The following KIAA1958 variants were observed in gnomAD, a reference collection of about 807,000 sequenced individuals.
KIAA1958 encodes the protein uncharacterized protein KIAA1958.
A neutral mutation model predicts 47.2 loss-of-function variants in KIAA1958; 14 were observed. The observed-to-expected ratio is 0.30, with a 90% CI of 0.20 to 0.46. KIAA1958 has a LOEUF of 0.46. Among genes scored for constraint, KIAA1958 ranks in the 20% least tolerant of loss-of-function variants. KIAA1958 has a pLI of 1.00. For missense variants in KIAA1958, 803 were observed against 909.2 expected (o/e 0.88, Z 1.50); for synonymous variants, 354 against 353.3 (o/e 1.00, Z -0.02).
At chr9:112,521,189 A>G (rs1322414815) in intron 1 of KIAA1958, among the ~76,000 whole-genome samples, 4 of 151,996 alleles carry the variant, frequency 2.6e-5, no homozygotes, top group Non-Finnish European at 5.9e-5. Flanking sequence ...TTGTATTTCT[A>G]AATAGCCTAT....
intron 2 of KIAA1958, among the ~76,000 whole-genome samples, chr9:112,636,702 T>C: frequency 6.6e-6 from 1 of 152,184 alleles, no homozygotes; most frequent in East Asian, 1.9e-4. Context: ...ATTTGCTTAT[T>C]GTTCCTATGG....
At chr9:112,585,551 A>G (rs1344772885) in intron 2 of KIAA1958, among the ~76,000 whole-genome samples, 1 of 152,218 alleles carries the variant, frequency 6.6e-6, no homozygotes, top group East Asian at 1.9e-4. Flanking sequence ...ACAGTTCATT[A>G]TCTTAGAAGA....
chr9:112,526,680 G>C (rs1242791001), intron 1 of KIAA1958, among the ~76,000 whole-genome samples: 1 of 152,208 alleles, frequency 6.6e-6, no homozygotes, highest in Non-Finnish European at 1.5e-5. Context: ...AAGATGGTAA[G>C]AGAGAGCAAG....
intron 2 of KIAA1958, among the ~76,000 whole-genome samples, chr9:112,607,484 G>A (rs895495353): frequency 6.6e-6 from 1 of 152,110 alleles, no homozygotes; most frequent in South Asian, 2.1e-4. Context: ...TAGGTTGGTG[G>A]TGAGAGCTTC....
intron 1 of KIAA1958, among the ~76,000 whole-genome samples, chr9:112,554,035 C>G (rs1289340060): frequency 2.6e-5 from 4 of 152,110 alleles, no homozygotes; most frequent in African/African-American, 9.7e-5. Context: ...GTATCATGTA[C>G]TGTAAGTAGG....
Position 112,664,831 on chromosome 9 carries a change from AGTTCCTCC to A in KIAA1958, c.*4765_*4772del, listed in dbSNP as rs1837330975. The A allele has an allele frequency of 6.6e-6, 1 of 152,208 alleles. No homozygotes were observed. The highest frequency in any genetic ancestry group is 2.4e-5 in the African/African-American group (1 of 41,444). The allele number at this position is 152,208 out of a possible 1,614,324, so 9.4% of individuals were successfully genotyped here. On this transcript the variant is annotated 3_prime_UTR_variant, in exon 4 of 4. Transcript: ENST00000337530. ...TGATAACTAAATGAACATCTCTGGA[AGTTCCTCC>A]GTCTGATATGTGTATTCTGACATAA...
chr9:112,623,469 T>C (rs1477283211), intron 2 of KIAA1958, among the ~76,000 whole-genome samples: 1 of 152,328 alleles, frequency 6.6e-6, no homozygotes, highest in East Asian at 1.9e-4. Context: ...AGAAGTGATT[T>C]GCTGTGCTTC....
At chr9:112,520,864 C>T (rs534921940) in intron 1 of KIAA1958, among the ~76,000 whole-genome samples, 19 of 152,236 alleles carry the variant, frequency 1.2e-4, no homozygotes, top group Non-Finnish European at 2.4e-4. Context: ...ACATATGAAA[C>T]ATATCCCCAG....
intron 2 of KIAA1958, among the ~76,000 whole-genome samples, chr9:112,595,723 T>A (rs908415704): frequency 6.6e-6 from 1 of 151,418 alleles, no homozygotes; most frequent in South Asian, 2.1e-4. Context: ...TTTAATATAT[T>A]GATTGGCAGT....
intron 1 of KIAA1958, among the ~76,000 whole-genome samples, chr9:112,487,706 G>A (rs1038609334): frequency 7.9e-5 from 12 of 151,952 alleles, no homozygotes; most frequent in African/African-American, 2.9e-4. Context: ...TCTCCAAAAG[G>A]CTCTTCCGCC....
At chr9:112,494,956 T>G (rs1834027986) in intron 1 of KIAA1958, among the ~76,000 whole-genome samples, 1 of 152,140 alleles carries the variant, frequency 6.6e-6, no homozygotes, top group African/African-American at 2.4e-5. Flanking sequence ...TTAAAAATTT[T>G]TTCCCCTTTT....
At position 112,581,079 on chromosome 9, in the gene KIAA1958, C is replaced by T. The variant is rs577894447; in HGVS notation, c.1171+5828C>T. On this transcript the variant is annotated intron_variant, in intron 2 of 3. Transcript: ENST00000337530. ...TTATTTTTATTTTTTTCTCAGATCT[C>T]TTAGAGATGAATAGAATCAGATGTA... 3.2e-4 allele frequency among the ~76,000 whole-genome samples: 49 copies of T among 152,172 alleles called. No homozygotes were observed. In the South Asian group the frequency reaches 4.8e-3, roughly 15 times the overall value.
chr9:112,584,464 C>T (rs1835788828), intron 2 of KIAA1958, among the ~76,000 whole-genome samples: 1 of 152,146 alleles, frequency 6.6e-6, no homozygotes, highest in Non-Finnish European at 1.5e-5. Flanking sequence ...AACATTATTG[C>T]TGTTACCGAA....
chr9:112,495,951 CGTG>C (rs542465715), intron 1 of KIAA1958, among the ~76,000 whole-genome samples: 80 of 152,246 alleles, frequency 5.3e-4, no homozygotes, highest in African/African-American at 1.8e-3. Context: ...GGAAGAGAAT[CGTG>C]GTGCCCAGCC....
At chr9:112,549,432 A>T in intron 1 of KIAA1958, among the ~76,000 whole-genome samples, 1 of 152,226 alleles carries the variant, frequency 6.6e-6, no homozygotes, top group East Asian at 1.9e-4. Flanking sequence ...TGTTTTCTGT[A>T]TATCCTTAAC....
At chr9:112,569,117 T>C (rs764053740) in intron 1 of KIAA1958, among the ~76,000 whole-genome samples, 13 of 152,148 alleles carry the variant, frequency 8.5e-5, no homozygotes, top group Non-Finnish European at 1.8e-4. Context: ...CGGACATGGC[T>C]CTCGTTGGAG....
At chr9:112,545,824 T>TGTG (rs1172612575) in intron 1 of KIAA1958, among the ~76,000 whole-genome samples, 16 of 64,182 alleles carry the variant, frequency 2.5e-4, no homozygotes, top group Non-Finnish European at 4.4e-4. Flanking sequence ...CAGGTTTCTT[T>TGTG]GTTTTTTTTT....
intron 2 of KIAA1958, among the ~76,000 whole-genome samples, chr9:112,588,175 T>A (rs2131187332): frequency 6.6e-6 from 1 of 152,366 alleles, no homozygotes; most frequent in Non-Finnish European, 1.5e-5. Flanking sequence ...TTTTCTGCTT[T>A]ATCCATAGGT....
intron 2 of KIAA1958, among the ~76,000 whole-genome samples, chr9:112,639,573 C>T (rs541597165): frequency 3.9e-4 from 59 of 152,216 alleles, no homozygotes; most frequent in African/African-American, 1.4e-3. Flanking sequence ...CCCCCTGCTG[C>T]ATGGATGCCC....
Sources: gnomAD v4.1 joint callset for allele counts (sites outside exome capture counted in the v4.1 genomes callset) on GRCh38, gnomAD v4.1.1 for gene constraint, MANE v1.5 for transcripts, NCBI Gene and HGNC (gene_info 2026-07-23, HGNC 2026-07-21) for gene names.